Variants in GTF2IRD1 observed in about 807,000 individuals in gnomAD.
GTF2IRD1 encodes GTF2I repeat domain containing 1.
Under a neutral mutation model 113.2 loss-of-function variants are expected in GTF2IRD1, and 26 were observed. The observed-to-expected ratio is 0.23, with a 90% CI of 0.17 to 0.32. The LOEUF (loss-of-function observed/expected upper bound fraction) is 0.32, where lower values mean the gene tolerates loss of function less well. GTF2IRD1 is among the 10% of genes least tolerant of loss of function. The pLI is 1.00. For synonymous variants in GTF2IRD1, 484 were observed against 529.1 expected (o/e 0.91, Z 1.17); for missense variants, 864 against 1,280.8 (o/e 0.67, Z 4.97).
At chr7:74,508,254 C>G (rs1796412253) in intron 2 of GTF2IRD1, 51 bp downstream of exon 2, 1 of 1,574,904 alleles carries the variant, frequency 6.3e-7, no homozygotes, top group Admixed American at 1.7e-5. Flanking sequence ...GCGTCCCCAC[C>G]TGCCTTGTAG....
intron 1 of GTF2IRD1, among the ~76,000 whole-genome samples, chr7:74,463,731 T>G (rs1194026997): frequency 4.7e-5 from 7 of 150,204 alleles, no homozygotes; most frequent in African/African-American, 1.2e-4. Flanking sequence ...GTTTTTTGTT[T>G]TTTTTTTTTT....
At chr7:74,490,551 C>CG (rs1193438102) in intron 1 of GTF2IRD1, among the ~76,000 whole-genome samples, 3 of 151,486 alleles carry the variant, frequency 2.0e-5, no homozygotes, top group Admixed American at 6.6e-5. Flanking sequence ...TACCCCCCCC[C>CG]CCGCCCGCCT....
intron 16 of GTF2IRD1, among the ~76,000 whole-genome samples, chr7:74,546,608 G>A (rs1262140604): frequency 3.3e-5 from 5 of 152,186 alleles, no homozygotes; most frequent in South Asian, 2.1e-4. Context: ...TGGTAAAGGG[G>A]TGTGACTCGT....
Position 74,512,790 on chromosome 7 carries a change from T to C in GTF2IRD1, c.124-40T>C, listed in dbSNP as rs199718773. On this transcript the variant is annotated intron_variant, in intron 2 of 26. Coordinates refer to ENST00000424337, the MANE Select transcript of GTF2IRD1 (RefSeq NM_005685.4). This position sits in a 1 kb window ranked among gnomAD's most constrained non-coding sequence, Gnocchi z 4.4. ...GTGGATACTAGAGGTGTTCGGAGTA[T>C]GGGGAGCCCTTCCGCTCACACAGCC... is the stretch of plus-strand genomic sequence containing the variant. The C allele has an allele frequency of 4.4e-6, 7 of 1,604,834 alleles. No individual in the cohort carries two copies. The highest frequency in any genetic ancestry group is 4.3e-6 in the Non-Finnish European group (5 of 1,174,698).
Position 74,454,006 on chromosome 7 carries a change from C to T in GTF2IRD1, c.-177C>T, listed in dbSNP as rs1268051874. 1 of 149,374 alleles carries T rather than the reference C, an allele frequency of 6.7e-6. No homozygotes were observed. The highest frequency in any genetic ancestry group is 1.5e-5 in the Non-Finnish European group (1 of 66,788). 9.3% of individuals were successfully genotyped at this position (149,374 alleles called of 1,614,324 possible). On this transcript the variant is annotated 5_prime_UTR_variant, in exon 1 of 27. Transcript: ENST00000424337. ...GGCCGGCCGATTCCCCCCCCGCGCCCCCTCCCCGCGCCTCCCTCCCCGCCC... is the reference window on the plus strand; with the variant it reads ...GGCCGGCCGATTCCCCCCCCGCGCCTCCTCCCCGCGCCTCCCTCCCCGCCC...
chr7:74,506,975 T>G (rs1796328523), intron 1 of GTF2IRD1: 1 of 152,196 alleles, frequency 6.6e-6, no homozygotes, highest in South Asian at 2.1e-4. Context: ...ATACCCCTGA[T>G]GCCAAGTCTC....
chr7:74,527,605 G>A (rs1223588432), intron 8 of GTF2IRD1, among the ~76,000 whole-genome samples: 1 of 152,222 alleles, frequency 6.6e-6, no homozygotes, highest in Non-Finnish European at 1.5e-5. Flanking sequence ...ACTTTGGGAG[G>A]CCAAGGCAGG....
intron 6 of GTF2IRD1, among the ~76,000 whole-genome samples, chr7:74,520,533 A>C (rs1052954927): frequency 2.6e-5 from 4 of 152,100 alleles, no homozygotes; most frequent in African/African-American, 9.7e-5. Flanking sequence ...GCATATTCTC[A>C]GGCACCACTG....
chr7:74,512,794 G>GAGCCCTTCCGCTCACACAGCC lies in GTF2IRD1; in HGVS notation c.124-35_124-15dup. On this transcript the variant is annotated intron_variant, in intron 2 of 26. Transcript: ENST00000424337. The surrounding 1 kb of genome is among the most constrained non-coding windows in gnomAD (Gnocchi z 4.4). ...ATACTAGAGGTGTTCGGAGTATGGG[G>GAGCCCTTCCGCTCACACAGCC]AGCCCTTCCGCTCACACAGCCTGCC... 6.2e-7 allele frequency: 1 copy of GAGCCCTTCCGCTCACACAGCC among 1,607,124 alleles called. No homozygotes were observed. Among genetic ancestry groups the GAGCCCTTCCGCTCACACAGCC allele is most frequent in the Non-Finnish European group, 8.5e-7 (1 of 1,176,174 alleles).
chr7:74,547,399 C>G, intron 17 of GTF2IRD1, 113 bp downstream of exon 17: 1 of 760,390 alleles, frequency 1.3e-6, no homozygotes. Context: ...ACCTGAATAG[C>G]TGGGACCACA....
intron 1 of GTF2IRD1, among the ~76,000 whole-genome samples, chr7:74,461,557 G>A (rs1459533958): frequency 6.6e-6 from 1 of 152,158 alleles, no homozygotes; most frequent in African/African-American, 2.4e-5. Context: ...GCTGGCACAT[G>A]AGAAGGGCCC....
intron 1 of GTF2IRD1, among the ~76,000 whole-genome samples, chr7:74,459,867 GGT>G (rs1246230875): frequency 4.6e-5 from 7 of 152,238 alleles, no homozygotes; most frequent in African/African-American, 1.7e-4. Context: ...AGGGGCCAGA[GGT>G]GTGTGTGGCT....
rs113132618 is a variant in GTF2IRD1, at chr7:74,535,385, C to T, written c.1300+247C>T. Among the ~76,000 whole-genome samples the T allele has an allele frequency of 3.7e-4, 56 of 152,284 alleles. 1 individual carries two copies. The highest frequency in any genetic ancestry group is 1.1e-3 in the African/African-American group (47 of 41,558). On this transcript the variant is annotated intron_variant, in intron 10 of 26. Transcript: ENST00000424337. The stretch of plus-strand genomic sequence containing the variant: ...GAGAGTACTAAAGCTGGACGCTAAC[C>T]GGTGCCAGGTTGGTGAACCTGAGCC...
chr7:74,536,558 A>T (rs1798309028), intron 11 of GTF2IRD1, among the ~76,000 whole-genome samples: 1 of 152,166 alleles, frequency 6.6e-6, no homozygotes, highest in Non-Finnish European at 1.5e-5. Context: ...CTGTAATCCC[A>T]GCACTTTGGG....
At chr7:74,568,508 C>A (rs181906148) in intron 22 of GTF2IRD1, among the ~76,000 whole-genome samples, 14 of 151,868 alleles carry the variant, frequency 9.2e-5, no homozygotes, top group Admixed American at 9.2e-4. Flanking sequence ...ATTAGCTGGG[C>A]GTGATGGCGG....
chr7:74,560,567 T>TA (rs1219824206), intron 22 of GTF2IRD1, among the ~76,000 whole-genome samples: 2 of 147,256 alleles, frequency 1.4e-5, no homozygotes, highest in African/African-American at 4.9e-5. Flanking sequence ...ATATATATAA[T>TA]AAAAAATATT....
chr7:74,484,877 T>C (rs1398547165), intron 1 of GTF2IRD1, among the ~76,000 whole-genome samples: 3 of 152,224 alleles, frequency 2.0e-5, no homozygotes, highest in Non-Finnish European at 4.4e-5. Flanking sequence ...ATACTGATCC[T>C]ATGAACATGG....
chr7:74,587,956 C>T (rs1181465262), intron 22 of GTF2IRD1, among the ~76,000 whole-genome samples: 3 of 152,080 alleles, frequency 2.0e-5, no homozygotes, highest in South Asian at 2.1e-4. Flanking sequence ...CCTTGGTCAG[C>T]GAGCGGTCAG....
At chr7:74,553,664 C>T (rs117485783) in intron 17 of GTF2IRD1, among the ~76,000 whole-genome samples, 2,771 of 152,242 alleles carry the variant, frequency 0.018, 53 homozygotes, top group Non-Finnish European at 0.029. Flanking sequence ...CAGTGGCCGA[C>T]GGGAGAGGCC....
Sources: allele counts gnomAD v4.1 joint callset (sites outside exome capture counted in the v4.1 genomes callset), GRCh38; gene constraint gnomAD v4.1.1; non-coding constraint Gnocchi (gnomAD v3.1); transcripts MANE v1.5; gene names NCBI Gene and HGNC (gene_info 2026-07-23, HGNC 2026-07-21).